The following RIMKLB variants were observed in gnomAD, a reference collection of about 807,000 sequenced individuals.
The protein encoded by RIMKLB is beta-citrylglutamate synthase B.
A neutral mutation model predicts 32.0 loss-of-function variants in RIMKLB; 7 were observed. That is an observed-to-expected ratio of 0.22 (90% CI 0.12 to 0.41). The LOEUF (loss-of-function observed/expected upper bound fraction) is 0.41, where lower values mean the gene tolerates loss of function less well. Ranked by LOEUF, RIMKLB falls within the 10% of genes least tolerant of loss-of-function variation. RIMKLB has a pLI of 1.00. For missense variants in RIMKLB, 289 were observed against 498.7 expected, an observed-to-expected ratio of 0.58 and a Z score of 4.00; for synonymous variants, 172 against 185.1, an observed-to-expected ratio of 0.93 and a Z score of 0.57.
chr12:8,733,543 A>AT (rs1436603538), intron 2 of RIMKLB, among the ~76,000 whole-genome samples: 2 of 152,174 alleles, frequency 1.3e-5, no homozygotes, highest in Non-Finnish European at 1.5e-5. Context: ...ATAAGTTGAG[A>AT]TTTTAAATTC....
At chr12:8,680,595 C>A (rs1457539409), upstream of RIMKLB, among the ~76,000 whole-genome samples, 1 of 152,196 alleles carries the variant, frequency 6.6e-6, no homozygotes, top group East Asian at 1.9e-4. Flanking sequence ...TTGCTTTGCA[C>A]TGTGGACTCG....
chr12:8,710,713 C>T (rs1944302897), intron 1 of RIMKLB, among the ~76,000 whole-genome samples: 1 of 152,140 alleles, frequency 6.6e-6, no homozygotes, highest in African/African-American at 2.4e-5. Flanking sequence ...TTTCTGACTA[C>T]TGATGTATCA....
chr12:8,709,144 T>A (rs1338519387), intron 1 of RIMKLB, among the ~76,000 whole-genome samples: 1 of 152,232 alleles, frequency 6.6e-6, no homozygotes, highest in Non-Finnish European at 1.5e-5. Context: ...TAACCAAGTT[T>A]ACTCCTTTAA....
chr12:8,669,830 A>G, the RIMKLB span, among the ~76,000 whole-genome samples: 4 of 151,970 alleles, frequency 2.6e-5, no homozygotes, highest in South Asian at 8.3e-4. Context: ...GATTGAGACC[A>G]TCCTGGCTAA....
intron 1 of RIMKLB, among the ~76,000 whole-genome samples, chr12:8,687,961 C>A (rs757693387): frequency 6.6e-6 from 1 of 152,058 alleles, no homozygotes; most frequent in South Asian, 2.1e-4. Flanking sequence ...GGAGTCATTG[C>A]CAGGCAGCAT....
At chr12:8,687,580 C>G (rs910566984) in intron 1 of RIMKLB, among the ~76,000 whole-genome samples, 6 of 152,018 alleles carry the variant, frequency 3.9e-5, no homozygotes, top group African/African-American at 1.2e-4. Context: ...TTTGTAAGTC[C>G]CCAAGTTGCC....
chr12:8,777,215 C>CTTTTTTTTTGTTTTTTT (rs1950778717), downstream of RIMKLB: 1 of 644,908 alleles, frequency 1.6e-6, no homozygotes, highest in Non-Finnish European at 1.8e-6. Context: ...TGCTTGCTTT[C>CTTTTTTTTTGTTTTTTT]TTTTTTTTTT....
chr12:8,694,956 C>T (rs1942841769), upstream of RIMKLB, among the ~76,000 whole-genome samples: 1 of 152,280 alleles, frequency 6.6e-6, no homozygotes, highest in Non-Finnish European at 1.5e-5. Context: ...TTCACTGAGA[C>T]TTACTATGTT....
In RIMKLB at chr12:8,710,310, T is replaced by C. The variant is rs920311544; in HGVS notation, c.-56-3501T>C. Among the ~76,000 whole-genome samples the C allele has an allele frequency of 4.3e-5, 6 of 138,176 alleles. No homozygotes were observed. The South Asian group carries it at 1.1e-3, about 25-fold the overall frequency. The allele number at this position is 138,176 out of a possible 152,430, so 90.6% of individuals were successfully genotyped here. ...TTGTTTGTTTGTTTGTTTCCTTCTT[T>C]TTTTTTTTTTTTTTTTTGATGGAGT... On this transcript the variant is annotated intron_variant, in intron 1 of 5. Coordinates refer to ENST00000535829, the MANE Select transcript of RIMKLB (RefSeq NM_001297776.2).
Position 8,775,690 on chromosome 12 carries a change from G to GT in RIMKLB, c.*1912dup, listed in dbSNP as rs1003398222. 13 of 984,694 alleles carry GT rather than the reference G, an allele frequency of 1.3e-5. No individual in the cohort carries two copies. In the African/African-American group the frequency reaches 2.1e-4, roughly 16 times the overall value. The allele number at this position is 984,694 out of a possible 1,614,324, so 61.0% of individuals were successfully genotyped here. Reference sequence around the variant, plus strand: ...TTTAAAAAGGAATGTAATAAAATTTGTTTTTTCCATAGAATTAAATAATAT... The same window carrying GT: ...TTTAAAAAGGAATGTAATAAAATTTGTTTTTTTCCATAGAATTAAATAATAT... On this transcript the variant is annotated 3_prime_UTR_variant, in exon 6 of 6. Coordinates refer to ENST00000535829, the MANE Select transcript of RIMKLB (RefSeq NM_001297776.2).
At chr12:8,781,445 A>G (rs1239970199), downstream of RIMKLB, among the ~76,000 whole-genome samples, 1 of 152,176 alleles carries the variant, frequency 6.6e-6, no homozygotes, top group African/African-American at 2.4e-5. Flanking sequence ...GGGTGGCGTG[A>G]TCTCTTCCAG....
chr12:8,764,860 T>TA, intron 5 of RIMKLB, among the ~76,000 whole-genome samples: 1 of 151,842 alleles, frequency 6.6e-6, no homozygotes, highest in African/African-American at 2.4e-5. Context: ...CAAGCCCTAT[T>TA]AGGCGTTGGA....
chr12:8,706,946 T>C (rs758389896), intron 1 of RIMKLB, among the ~76,000 whole-genome samples: 1 of 152,094 alleles, frequency 6.6e-6, no homozygotes, highest in African/African-American at 2.4e-5. Flanking sequence ...AAGCAGAGTT[T>C]AAGAATGAAA....
At chr12:8,711,641 G>C (rs769632302) in intron 1 of RIMKLB, among the ~76,000 whole-genome samples, 52 of 152,112 alleles carry the variant, frequency 3.4e-4, no homozygotes, top group African/African-American at 1.1e-3. Flanking sequence ...CTAGCATTAG[G>C]TATATCTCCC....
At chr12:8,726,172 A>G (rs887914151) in intron 2 of RIMKLB, among the ~76,000 whole-genome samples, 1 of 152,126 alleles carries the variant, frequency 6.6e-6, no homozygotes, top group Non-Finnish European at 1.5e-5. Context: ...TTGCATTCCC[A>G]CCAGCAATGA....
At chr12:8,778,267 A>G (rs1030915894), downstream of RIMKLB, among the ~76,000 whole-genome samples, 24 of 152,182 alleles carry the variant, frequency 1.6e-4, 2 homozygotes, top group Non-Finnish European at 1.5e-5. Context: ...TAGGTTATAT[A>G]TATGGTAAAA....
At chr12:8,672,953 C>T in the RIMKLB span, among the ~76,000 whole-genome samples, 1 of 152,218 alleles carries the variant, frequency 6.6e-6, no homozygotes, top group Non-Finnish European at 1.5e-5. Flanking sequence ...GCCATCTTGA[C>T]TCACTGCAAC....
At position 8,774,318 on chromosome 12, in the gene RIMKLB, G is replaced by A. The variant is rs922674836; in HGVS notation, c.*534G>A. On this transcript the variant is annotated 3_prime_UTR_variant, in exon 6 of 6. Transcript: ENST00000535829. ...TGAAATCTTGAGGGGCTCTTTTACT[G>A]GGATTTCTTATTTTTTTGTTTTTTC... is the stretch of plus-strand genomic sequence containing the variant. 11 of 985,188 alleles carry A rather than the reference G, an allele frequency of 1.1e-5. No homozygotes were observed. In the Admixed American group the frequency reaches 1.8e-4, roughly 17 times the overall value. The allele number at this position is 985,188 out of a possible 1,614,324, so 61.0% of individuals were successfully genotyped here.
intron 1 of RIMKLB, chr12:8,700,014 T>C (rs1247296493): frequency 2.0e-5 from 3 of 152,252 alleles, no homozygotes; most frequent in Non-Finnish European, 4.4e-5. Flanking sequence ...AGCTTTCTTA[T>C]TTTGCCCATG....
Sources: gnomAD v4.1 joint callset for allele counts (sites outside exome capture counted in the v4.1 genomes callset) on GRCh38, gnomAD v4.1.1 for gene constraint, MANE v1.5 for transcripts, NCBI Gene and HGNC (gene_info 2026-07-23, HGNC 2026-07-21) for gene names.